The following LMBR1 variants were observed in gnomAD, a reference collection of about 807,000 sequenced individuals.
The protein encoded by LMBR1 is limb development membrane protein 1.
LMBR1 carries 52 observed loss-of-function variants against 73.9 expected under a neutral mutation model. That is an observed-to-expected ratio of 0.70 (90% CI 0.56 to 0.89). The LOEUF (loss-of-function observed/expected upper bound fraction) is 0.89. LMBR1 is among the 40% of genes least tolerant of loss of function. The pLI is 0.00. For missense variants in LMBR1, 539 were observed against 579.8 expected (o/e 0.93, Z 0.72); for synonymous variants, 215 against 209.4 (o/e 1.03, Z -0.23).
intron 5 of LMBR1, among the ~76,000 whole-genome samples, chr7:156,778,262 G>A (rs1193768625): frequency 6.6e-6 from 1 of 152,096 alleles, no homozygotes; most frequent in African/African-American, 2.4e-5. Flanking sequence ...CATTACAAGA[G>A]TAAATCAACA....
At chr7:156,870,291 C>T (rs1324677630) in intron 1 of LMBR1, among the ~76,000 whole-genome samples, 2 of 152,104 alleles carry the variant, frequency 1.3e-5, no homozygotes, top group African/African-American at 4.8e-5. Context: ...AATACTTCTC[C>T]AGGAGAGAAC....
intron 4 of LMBR1, among the ~76,000 whole-genome samples, chr7:156,803,139 A>G (rs1467118566): frequency 6.6e-6 from 1 of 152,220 alleles, no homozygotes; most frequent in East Asian, 1.9e-4. Context: ...ACAAAAGCCA[A>G]AATTGACAAA....
In LMBR1 at chr7:156,803,098, C is replaced by A. The variant is rs1250360648; in HGVS notation, c.320-6606G>T. 9.9e-5 allele frequency among the ~76,000 whole-genome samples: 15 copies of A among 152,208 alleles called. No homozygotes were observed. In the South Asian group the frequency reaches 2.9e-3, roughly 29 times the overall value. On this transcript the variant is annotated intron_variant, in intron 4 of 16. Transcript: ENST00000353442. ...TTCAGGACATAGGCATGGGCAAGGA[C>A]TTCATGTCTAAAACACCAAAAGCAA...
At position 156,680,403 on chromosome 7, in the gene LMBR1, A is replaced by AGAGAGAGAGAGAGAGTGTGTGTGT. The variant is rs1343950098; in HGVS notation, c.*3674_*3675insACACACACACTCTCTCTCTCTCTC. The AGAGAGAGAGAGAGAGTGTGTGTGT allele has an allele frequency of 8.0e-6, 1 of 125,068 alleles. No individual in the cohort carries two copies. The highest frequency in any genetic ancestry group is 3.1e-5 in the African/African-American group (1 of 32,560). 7.7% of individuals were successfully genotyped at this position (125,068 alleles called of 1,614,324 possible). ...GAGAGAGAGAGAGAGAGAGAGAGAG[A>AGAGAGAGAGAGAGAGTGTGTGTGT]GTGTGTGTGTGTGTGTGTGTGTAAT... On this transcript the variant is annotated 3_prime_UTR_variant, in exon 17 of 17. Coordinates refer to ENST00000353442, the MANE Select transcript of LMBR1 (RefSeq NM_022458.4).
chr7:156,875,350 C>G (rs982907294), intron 1 of LMBR1, among the ~76,000 whole-genome samples: 1 of 152,154 alleles, frequency 6.6e-6, no homozygotes, highest in Non-Finnish European at 1.5e-5. Context: ...GAATAACTGC[C>G]ATTCCTGAGG....
chr7:156,702,900 C>G (rs1174000789), intron 15 of LMBR1, among the ~76,000 whole-genome samples: 2 of 152,216 alleles, frequency 1.3e-5, no homozygotes, highest in Non-Finnish European at 2.9e-5. Context: ...GTGGCAAAAG[C>G]AGCTTCCTGA....
At chr7:156,726,094 A>G (rs1317506186) in intron 12 of LMBR1, 1 of 352,290 alleles carries the variant, frequency 2.8e-6, no homozygotes, top group Admixed American at 4.7e-5. Context: ...TGTCAAGATG[A>G]CATGATTATG....
intron 5 of LMBR1, among the ~76,000 whole-genome samples, chr7:156,770,979 AAGT>A (rs1563321583): frequency 6.6e-6 from 1 of 152,136 alleles, no homozygotes; most frequent in African/African-American, 2.4e-5. Flanking sequence ...AAGAGCAAAA[AAGT>A]AGGAAAAAAT....
intron 9 of LMBR1, 98 bp from the exon 10 acceptor site, chr7:156,734,355 C>G: frequency 1.5e-6 from 1 of 649,842 alleles, no homozygotes; most frequent in Non-Finnish European, 2.6e-6. Flanking sequence ...CATGGCAAAT[C>G]CTGCTAATCA....
At chr7:156,694,965 T>C (rs901580790) in intron 15 of LMBR1, among the ~76,000 whole-genome samples, 1 of 150,692 alleles carries the variant, frequency 6.6e-6, no homozygotes, top group African/African-American at 2.5e-5. Context: ...AGACTCAATA[T>C]TGTAAAGATG....
chr7:156,802,084 G>A (rs568109895), intron 4 of LMBR1, among the ~76,000 whole-genome samples: 1 of 152,170 alleles, frequency 6.6e-6, no homozygotes, highest in East Asian at 1.9e-4. Flanking sequence ...CCGGGTTCAA[G>A]CGATTCTCCT....
intron 4 of LMBR1, among the ~76,000 whole-genome samples, chr7:156,824,148 G>A (rs1206772230): frequency 6.6e-6 from 1 of 151,734 alleles, no homozygotes; most frequent in Admixed American, 6.6e-5. Flanking sequence ...ACACACGCGC[G>A]CGCGCTGAAA....
In LMBR1 at chr7:156,893,090, G is replaced by T; in HGVS notation, c.-97C>A. On this transcript the variant is annotated 5_prime_UTR_variant, in exon 1 of 17. Coordinates refer to ENST00000353442, the MANE Select transcript of LMBR1 (RefSeq NM_022458.4). ...GGCTCGGACAGCCGCGCCGGGGACC[G>T]GAGCCGGCACGGGCCCGCGAGCCGT... The T allele has an allele frequency of 2.4e-6, 3 of 1,242,066 alleles. No homozygotes were observed. The highest frequency in any genetic ancestry group is 3.1e-6 in the Non-Finnish European group (3 of 973,728). 76.9% of individuals were successfully genotyped at this position (1,242,066 alleles called of 1,614,324 possible).
intron 5 of LMBR1, among the ~76,000 whole-genome samples, chr7:156,772,507 A>G (rs1437639395): frequency 6.6e-6 from 1 of 152,136 alleles, no homozygotes; most frequent in South Asian, 2.1e-4. Context: ...CACCACTCCT[A>G]TTCAGCATAT....
At chr7:156,824,081 C>T (rs1169416904) in intron 4 of LMBR1, among the ~76,000 whole-genome samples, 2 of 144,524 alleles carry the variant, frequency 1.4e-5, no homozygotes, top group Non-Finnish European at 3.0e-5. Flanking sequence ...CAGAGAGAGA[C>T]TCCATCTCAA....
At chr7:156,710,713 T>C (rs917617559) in intron 15 of LMBR1, among the ~76,000 whole-genome samples, 2 of 152,150 alleles carry the variant, frequency 1.3e-5, no homozygotes, top group Admixed American at 6.5e-5. Context: ...CACAAACACG[T>C]AGTCATCAGG....
At chr7:156,735,475 T>A (rs991928270) in intron 9 of LMBR1, among the ~76,000 whole-genome samples, 1 of 151,802 alleles carries the variant, frequency 6.6e-6, no homozygotes, top group Non-Finnish European at 1.5e-5. Context: ...TTTTACCTGT[T>A]AAATTCTGAA....
intron 4 of LMBR1, among the ~76,000 whole-genome samples, chr7:156,801,482 G>A (rs780002152): frequency 2.5e-4 from 38 of 152,254 alleles, no homozygotes; most frequent in Admixed American, 8.5e-4. Context: ...ACAGTACACT[G>A]GAACCAACCC....
chr7:156,834,553 T>C (rs373841588), intron 2 of LMBR1: 3 of 315,156 alleles, frequency 9.5e-6, no homozygotes, highest in African/African-American at 4.5e-5. Context: ...CAGTCAGCCA[T>C]GATTGCCCCA....
Sources: allele counts gnomAD v4.1 joint callset (sites outside exome capture counted in the v4.1 genomes callset), GRCh38; gene constraint gnomAD v4.1.1; transcripts MANE v1.5; gene names NCBI Gene and HGNC (gene_info 2026-07-23, HGNC 2026-07-21).